SGCZ: variants seen among roughly 807,000 people sequenced by gnomAD.
SGCZ encodes the protein sarcoglycan zeta.
A neutral mutation model predicts 41.3 loss-of-function variants in SGCZ; 40 were observed. The observed-to-expected ratio is 0.97, with a 90% CI of 0.75 to 1.26. SGCZ has a LOEUF of 1.26. Among genes scored for constraint, SGCZ ranks in the 50% most tolerant of loss-of-function variants. The pLI is 0.00. For missense variants in SGCZ, 552 were observed against 369.8 expected (o/e 1.49, Z -4.04); for synonymous variants, 206 against 137.5 (o/e 1.50, Z -3.49).
At chr8:15,097,837 T>TGTATATATATATATAC (rs1563123918) in intron 1 of SGCZ, among the ~76,000 whole-genome samples, 1 of 8,400 alleles carries the variant, frequency 1.2e-4, no homozygotes, top group Non-Finnish European at 3.0e-4. Context: ...TATATATACG[T>TGTATATATATATATAC]GTGTGTATAT....
chr8:14,326,401 A>G (rs1802117544), intron 2 of SGCZ, among the ~76,000 whole-genome samples: 1 of 152,134 alleles, frequency 6.6e-6, no homozygotes, highest in South Asian at 2.1e-4. Flanking sequence ...AAAATTTTGA[A>G]GAGAGAAAAA....
intron 1 of SGCZ, among the ~76,000 whole-genome samples, chr8:14,648,880 A>G (rs1585153169): frequency 1.3e-5 from 2 of 152,136 alleles, no homozygotes; most frequent in East Asian, 3.9e-4. Flanking sequence ...TACTGCTGGC[A>G]TATATTCTCA....
intron 2 of SGCZ, among the ~76,000 whole-genome samples, chr8:14,415,438 G>A (rs193143346): frequency 1.2e-3 from 185 of 151,996 alleles, no homozygotes; most frequent in African/African-American, 4.3e-3. Flanking sequence ...TAGTGTGAAT[G>A]ATGAATGCAT....
chr8:14,312,052 AG>A (rs1438012454), intron 3 of SGCZ, among the ~76,000 whole-genome samples: 2 of 152,144 alleles, frequency 1.3e-5, no homozygotes, highest in Admixed American at 6.5e-5. Context: ...AGTAGCTATT[AG>A]TGGGGACAAT....
intron 4 of SGCZ, among the ~76,000 whole-genome samples, chr8:14,225,881 C>T (rs925236827): frequency 3.3e-5 from 5 of 151,940 alleles, no homozygotes; most frequent in African/African-American, 4.8e-5. Context: ...AGAATCTTTG[C>T]GACCGACAAG....
At chr8:15,001,747 AAAAAG>A (rs1176879120) in intron 1 of SGCZ, among the ~76,000 whole-genome samples, 1 of 151,002 alleles carries the variant, frequency 6.6e-6, no homozygotes, top group African/African-American at 2.4e-5. Flanking sequence ...AAAAAAAAAA[AAAAAG>A]AGAAAAAAGG....
chr8:14,323,256 C>G (rs1801989278), intron 3 of SGCZ, among the ~76,000 whole-genome samples: 1 of 151,940 alleles, frequency 6.6e-6, no homozygotes, highest in African/African-American at 2.4e-5. Flanking sequence ...ACTATGCAAC[C>G]CATTTGCTAA....
intron 1 of SGCZ, among the ~76,000 whole-genome samples, chr8:14,646,526 A>C (rs952603004): frequency 6.6e-6 from 1 of 151,896 alleles, no homozygotes; most frequent in Admixed American, 6.6e-5. Flanking sequence ...AACATACAAG[A>C]ACATGTCTCC....
At chr8:14,758,843 T>G (rs1253715399) in intron 1 of SGCZ, among the ~76,000 whole-genome samples, 1 of 152,012 alleles carries the variant, frequency 6.6e-6, no homozygotes, top group Non-Finnish European at 1.5e-5. Flanking sequence ...ACCCTGTCTC[T>G]ACTAAAAATA....
intron 1 of SGCZ, among the ~76,000 whole-genome samples, chr8:14,984,411 C>T (rs1396021555): frequency 1.3e-5 from 2 of 152,044 alleles, no homozygotes; most frequent in East Asian, 1.9e-4. Flanking sequence ...TTGTTTTAAA[C>T]CAAATAAAAA....
intron 2 of SGCZ, among the ~76,000 whole-genome samples, chr8:14,366,799 C>G (rs1020144352): frequency 6.6e-6 from 1 of 152,116 alleles, no homozygotes; most frequent in African/African-American, 2.4e-5. Context: ...ATATCAAAGG[C>G]AAGTTAATTA....
At position 15,237,929 on chromosome 8, in the gene SGCZ, CTATT is replaced by C. The variant is rs1286440597; in HGVS notation, c.-310_-307del. 2 of 326,804 alleles carry C rather than the reference CTATT, an allele frequency of 6.1e-6. No homozygotes were observed. The highest frequency in any genetic ancestry group is 6.8e-5 in the South Asian group (1 of 14,670). The allele number at this position is 326,804 out of a possible 1,614,324, so 20.2% of individuals were successfully genotyped here. On this transcript the variant is annotated 5_prime_UTR_variant, in exon 1 of 8. Transcript: ENST00000382080. ...AGAAAAAAGGAAAAAAAAATCCACT[CTATT>C]TAAGATTATTTCTTCTTCTGCAATA...
intron 1 of SGCZ, among the ~76,000 whole-genome samples, chr8:14,995,535 T>A (rs1802186429): frequency 6.6e-6 from 1 of 152,154 alleles, no homozygotes; most frequent in Admixed American, 6.5e-5. Flanking sequence ...GAGATCAGTT[T>A]TGGGCATGTT....
intron 3 of SGCZ, among the ~76,000 whole-genome samples, chr8:14,241,156 T>C (rs1480437201): frequency 6.6e-6 from 1 of 152,080 alleles, no homozygotes; most frequent in Non-Finnish European, 1.5e-5. Flanking sequence ...ACTAATATTT[T>C]ACTCCATTCC....
intron 3 of SGCZ, among the ~76,000 whole-genome samples, chr8:14,255,679 C>T (rs1408882254): frequency 6.6e-6 from 1 of 152,044 alleles, no homozygotes; most frequent in East Asian, 1.9e-4. Context: ...AGTTCACTGT[C>T]TTTGGATGAA....
intron 1 of SGCZ, among the ~76,000 whole-genome samples, chr8:14,737,416 T>G (rs1276229098): frequency 6.6e-6 from 1 of 152,068 alleles, no homozygotes; most frequent in Non-Finnish European, 1.5e-5. Flanking sequence ...CCTTTTTTAT[T>G]GTCACTGAGA....
chr8:15,033,461 C>T (rs1432911117), intron 1 of SGCZ, among the ~76,000 whole-genome samples: 6 of 152,096 alleles, frequency 3.9e-5, no homozygotes, highest in African/African-American at 1.4e-4. Context: ...TCCAGGCAGG[C>T]TGCAGAAGAC....
chr8:14,908,801 AT>A (rs1280777889), intron 1 of SGCZ, among the ~76,000 whole-genome samples: 6 of 152,030 alleles, frequency 3.9e-5, no homozygotes, highest in Non-Finnish European at 7.4e-5. Context: ...ACTATAAAAA[AT>A]ATTAATATGT....
chr8:14,488,468 T>C (rs996057441), intron 2 of SGCZ, among the ~76,000 whole-genome samples: 6 of 152,096 alleles, frequency 3.9e-5, no homozygotes, highest in Admixed American at 2.0e-4. Context: ...CTTCCTAAGA[T>C]TACTCACTTC....
Sources: allele counts gnomAD v4.1 joint callset (sites outside exome capture counted in the v4.1 genomes callset), GRCh38; gene constraint gnomAD v4.1.1; transcripts MANE v1.5; gene names NCBI Gene and HGNC (gene_info 2026-07-23, HGNC 2026-07-21).